IQGAP2: variants seen among roughly 807,000 people sequenced by gnomAD.
IQGAP2 encodes the protein IQ motif containing GTPase activating protein 2.
Under a neutral mutation model 201.3 loss-of-function variants are expected in IQGAP2, and 173 were observed. The observed-to-expected ratio is 0.86, with a 90% CI of 0.76 to 0.98. The LOEUF is 0.98. Among genes scored for constraint, IQGAP2 ranks in the 50% least tolerant of loss-of-function variants. The pLI, the probability that IQGAP2 is intolerant of heterozygous loss-of-function variation, is 0.00. For synonymous variants in IQGAP2, 675 were observed against 673.9 expected (o/e 1.00, Z -0.03); for missense variants, 1,687 against 1,864.8 (o/e 0.90, Z 1.76).
intron 21 of IQGAP2, among the ~76,000 whole-genome samples, chr5:76,659,070 T>C (rs1743021088): frequency 6.6e-6 from 1 of 152,232 alleles, no homozygotes; most frequent in Non-Finnish European, 1.5e-5. Flanking sequence ...TGTGGTTATA[T>C]ATGTTCATGA....
In IQGAP2 at chr5:76,586,333, A is replaced by G. The variant is rs371277648; in HGVS notation, c.459-2573A>G. On this transcript the variant is annotated intron_variant, in intron 5 of 35. Transcript: ENST00000274364. ...ACATTGAAATTTAGTATTAAAACTA[A>G]TGTTACACATATGGTAAAAAAAAAA... 5.7e-4 allele frequency among the ~76,000 whole-genome samples: 87 copies of G among 152,098 alleles called. 2 individuals carry two copies. The South Asian group carries it at 0.018, about 31-fold the overall frequency.
chr5:76,634,584 C>T (rs1040992938), intron 15 of IQGAP2, among the ~76,000 whole-genome samples: 2 of 152,056 alleles, frequency 1.3e-5, no homozygotes, highest in African/African-American at 4.8e-5. Context: ...CTACGGAAAA[C>T]GTTTGCCAAC....
At chr5:76,438,044 T>TTTTTTTTTTTTTTTTTTGTTTTTTTTTC (rs1752818816) in intron 1 of IQGAP2, among the ~76,000 whole-genome samples, 1 of 145,058 alleles carries the variant, frequency 6.9e-6, no homozygotes, top group Non-Finnish European at 1.5e-5. Context: ...TGTTTTTTTT[T>TTTTTTTTTTTTTTTTTTGTTTTTTTTTC]TTGTTTTTTT....
intron 17 of IQGAP2, among the ~76,000 whole-genome samples, chr5:76,647,275 A>T (rs1415765941): frequency 6.6e-6 from 1 of 152,326 alleles, no homozygotes; most frequent in African/African-American, 2.4e-5. Context: ...AAGGAATGAC[A>T]TAGTGGTGAG....
intron 1 of IQGAP2, among the ~76,000 whole-genome samples, chr5:76,435,776 G>A (rs1419729395): frequency 4.6e-5 from 7 of 152,146 alleles, no homozygotes; most frequent in Non-Finnish European, 1.0e-4. Context: ...GCTTTAGGCA[G>A]TATGGTCATT....
chr5:76,525,781 T>A (rs537278907), intron 2 of IQGAP2, among the ~76,000 whole-genome samples: 1 of 152,236 alleles, frequency 6.6e-6, no homozygotes, highest in Non-Finnish European at 1.5e-5. Context: ...TGTGCTTTTT[T>A]ACTAACACAC....
intron 16 of IQGAP2, among the ~76,000 whole-genome samples, chr5:76,638,308 A>G (rs2431357): frequency 0.58 from 87,890 of 151,920 alleles, 25,504 homozygotes; most frequent in South Asian, 0.62. Flanking sequence ...GAACCCAGGA[A>G]ATGGAGGTTG....
intron 11 of IQGAP2, among the ~76,000 whole-genome samples, chr5:76,602,159 T>A (rs1019700125): frequency 2.0e-5 from 3 of 152,206 alleles, no homozygotes; most frequent in African/African-American, 7.2e-5. Flanking sequence ...CCACCCTCAC[T>A]TAGACTTCTC....
At chr5:76,606,891 G>A (rs1501689) in intron 12 of IQGAP2, 25,103 of 152,146 alleles carry the variant, frequency 0.16, 2,231 homozygotes, top group Admixed American at 0.28. Context: ...AGAATGAGGA[G>A]CTATGTAGCT....
chr5:76,670,403 A>G (rs567929175), intron 23 of IQGAP2, among the ~76,000 whole-genome samples: 56 of 152,212 alleles, frequency 3.7e-4, no homozygotes, highest in African/African-American at 1.3e-3. Flanking sequence ...AGTCCCAGCT[A>G]CTCAGGAGGC....
chr5:76,467,882 T>C (rs1185900975), intron 2 of IQGAP2, among the ~76,000 whole-genome samples: 1 of 152,146 alleles, frequency 6.6e-6, no homozygotes, highest in African/African-American at 2.4e-5. Flanking sequence ...AAAGGCCACA[T>C]ATTATATGAA....
At chr5:76,592,777 A>AT in intron 8 of IQGAP2, 61 bp from the exon 9 acceptor site, 3 of 1,097,448 alleles carry the variant, frequency 2.7e-6, no homozygotes, top group Non-Finnish European at 4.1e-6. Context: ...TTCCATTTGA[A>AT]TTTCGAGTTT....
chr5:76,538,045 T>C (rs934923374), intron 2 of IQGAP2, among the ~76,000 whole-genome samples: 9 of 152,212 alleles, frequency 5.9e-5, no homozygotes, highest in Non-Finnish European at 1.0e-4. Flanking sequence ...CTGGGTAATT[T>C]ATAAAGCAAG....
At chr5:76,620,126 G>A (rs925588517) in intron 13 of IQGAP2, among the ~76,000 whole-genome samples, 4 of 152,176 alleles carry the variant, frequency 2.6e-5, no homozygotes, top group African/African-American at 9.7e-5. Flanking sequence ...CACTCAGTTT[G>A]TAATGATTTG....
At chr5:76,554,938 T>G (rs1743833655) in intron 2 of IQGAP2, among the ~76,000 whole-genome samples, 1 of 152,032 alleles carries the variant, frequency 6.6e-6, no homozygotes. Flanking sequence ...AATAAATAAA[T>G]AAATGTGATA....
chr5:76,674,467 G>A lies in IQGAP2; in HGVS notation c.3295-10G>A, dbSNP rs150055547. 1,101 of 1,572,962 alleles carry A rather than the reference G, an allele frequency of 7.0e-4. 5 individuals carry two copies. The highest frequency in any genetic ancestry group is 4.1e-3 in the African/African-American group (300 of 73,978). ...CTTAAAAATGGTCATGCACTTCTGC[G>A]TCACTCCAGATTGTTGGAAACCTCC... On this transcript the variant is annotated splice_polypyrimidine_tract_variant and intron_variant, in intron 26 of 35. Coordinates refer to ENST00000274364, the MANE Select transcript of IQGAP2 (RefSeq NM_006633.5).
chr5:76,602,400 T>C (rs4704344), intron 11 of IQGAP2, among the ~76,000 whole-genome samples: 29,373 of 152,076 alleles, frequency 0.19, 3,210 homozygotes, highest in Admixed American at 0.29. Flanking sequence ...CCACATGACA[T>C]TAGCCCCTGA....
intron 3 of IQGAP2, among the ~76,000 whole-genome samples, chr5:76,564,346 A>G (rs1744590561): frequency 6.6e-6 from 1 of 152,190 alleles, no homozygotes; most frequent in African/African-American, 2.4e-5. Context: ...ACCAACACGT[A>G]TGTAGATTTG....
At position 76,631,991 on chromosome 5, in the gene IQGAP2, C is replaced by A; in HGVS notation, c.1745C>A (p.Ala582Asp). 1 of 1,609,698 alleles carries A rather than the reference C, an allele frequency of 6.2e-7. No individual in the cohort carries two copies. Among genetic ancestry groups the A allele is most frequent in the Non-Finnish European group, 8.5e-7 (1 of 1,178,128 alleles). Residue 582 changes from alanine to aspartate, a missense_variant, in exon 15 of 36, where the codon GCC (alanine) becomes GAC (aspartate). Ala to Asp is a moderately radical substitution (Grantham distance 126). Coordinates refer to ENST00000274364, the MANE Select transcript of IQGAP2 (RefSeq NM_006633.5). ...GAGTGTGCTGACAAATACTATGATG[C>A]CCTTGTGAAGGCAAAAGAGCTCAAA... ...IPECADKYYD[A>D]LVKAKELKSE... is the part of the protein sequence containing the mutation.
Sources: allele counts gnomAD v4.1 joint callset (sites outside exome capture counted in the v4.1 genomes callset), GRCh38; gene constraint gnomAD v4.1.1; transcripts MANE v1.5; gene names NCBI Gene and HGNC (gene_info 2026-07-23, HGNC 2026-07-21).